MATCAP2: variants seen among roughly 807,000 people sequenced by gnomAD.
MATCAP2 encodes the protein microtubule associated tyrosine carboxypeptidase 2.
At chr7:36,386,794 G>A in the MATCAP2 span, among the ~76,000 whole-genome samples, 1 of 152,274 alleles carries the variant, frequency 6.6e-6, no homozygotes, top group East Asian at 1.9e-4. Flanking sequence ...CACATATTGG[G>A]GAGGAACTAG....
chr7:36,390,169 G>T, the MATCAP2 span: 5 of 1,546,674 alleles, frequency 3.2e-6, no homozygotes, highest in South Asian at 1.1e-5. Context: ...CGTGCGCAGT[G>T]TGTGCGGGCC....
chr7:36,337,997 G>A, the MATCAP2 span, among the ~76,000 whole-genome samples: 1 of 152,000 alleles, frequency 6.6e-6, no homozygotes, highest in East Asian at 1.9e-4. Context: ...AGGGCCAGCA[G>A]GCTCATGCCC....
the MATCAP2 span, chr7:36,389,868 G>A: frequency 7.5e-7 from 1 of 1,332,828 alleles, no homozygotes; most frequent in Non-Finnish European, 1.1e-6. Context: ...GGCCGAGTCC[G>A]TCACTGGAAG....
the MATCAP2 span, among the ~76,000 whole-genome samples, chr7:36,330,059 T>G: frequency 2.2e-4 from 1 of 4,576 alleles, no homozygotes; most frequent in Non-Finnish European, 5.8e-4. Context: ...TTTTTATTTT[T>G]ATTTTATTTT....
At chr7:36,350,779 T>C in the MATCAP2 span, among the ~76,000 whole-genome samples, 13 of 152,186 alleles carry the variant, frequency 8.5e-5, no homozygotes, top group African/African-American at 3.1e-4. Flanking sequence ...TGAGCCACCA[T>C]GCCCAGCCTC....
chr7:36,365,636 T>C, the MATCAP2 span, among the ~76,000 whole-genome samples: 2 of 152,026 alleles, frequency 1.3e-5, no homozygotes, highest in Non-Finnish European at 2.9e-5. Flanking sequence ...GAGGTGGAGA[T>C]TGCAGTGAGC....
At chr7:36,367,242 G>GC in the MATCAP2 span, 18 of 1,105,316 alleles carry the variant, frequency 1.6e-5, no homozygotes, top group Non-Finnish European at 1.9e-5. Flanking sequence ...CTAGGAAACT[G>GC]CCCCCGGGGT....
chr7:36,371,799 T>C, the MATCAP2 span, among the ~76,000 whole-genome samples: 1 of 152,162 alleles, frequency 6.6e-6, no homozygotes, highest in South Asian at 2.1e-4. Flanking sequence ...CTCACTCTGT[T>C]GCCCAGGCTG....
At chr7:36,369,792 T>C in the MATCAP2 span, among the ~76,000 whole-genome samples, 22 of 152,176 alleles carry the variant, frequency 1.4e-4, no homozygotes, top group African/African-American at 5.3e-4. Context: ...TATACATGTA[T>C]ACATACATAT....
At chr7:36,335,156 T>C in the MATCAP2 span, 2 of 1,613,956 alleles carry the variant, frequency 1.2e-6, no homozygotes, top group Admixed American at 3.3e-5. Flanking sequence ...GGAAAGCAGG[T>C]CCTCAGTGAG....
chr7:36,353,744 G>C, the MATCAP2 span, among the ~76,000 whole-genome samples: 22 of 152,266 alleles, frequency 1.4e-4, no homozygotes, highest in Middle Eastern at 3.4e-3. Context: ...GACTCCCAAA[G>C]TGCTGGGATT....
chr7:36,335,104 A>G, the MATCAP2 span: 2 of 1,614,028 alleles, frequency 1.2e-6, no homozygotes, highest in Non-Finnish European at 1.7e-6. Flanking sequence ...ACACATTGAT[A>G]GTCAGAGTCG....
the MATCAP2 span, chr7:36,366,958 G>A: frequency 7.4e-7 from 1 of 1,351,448 alleles, no homozygotes; most frequent in Non-Finnish European, 9.4e-7. Flanking sequence ...CCGAGGCCCG[G>A]GGCGGCGGGC....
chr7:36,367,247 C>G, the MATCAP2 span: 1 of 1,092,368 alleles, frequency 9.2e-7, no homozygotes. Context: ...AAACTGCCCC[C>G]GGGGTCCGCG....
chr7:36,327,506 TAGAC>T, the MATCAP2 span, among the ~76,000 whole-genome samples: 7 of 152,234 alleles, frequency 4.6e-5, no homozygotes, highest in African/African-American at 9.6e-5. Context: ...GTCTAAAAAT[TAGAC>T]AGCCATACTT....
chr7:36,389,904 G>C, the MATCAP2 span: 6 of 1,566,126 alleles, frequency 3.8e-6, no homozygotes, highest in Non-Finnish European at 4.4e-6. Context: ...AGCTGGTTGT[G>C]GGAGAGTTCC....
chr7:36,329,875 C>A, the MATCAP2 span, among the ~76,000 whole-genome samples: 1 of 151,976 alleles, frequency 6.6e-6, no homozygotes, highest in Non-Finnish European at 1.5e-5. Context: ...TATCAAACAC[C>A]CAGATGATCA....
At chr7:36,334,472 G>A in the MATCAP2 span, among the ~76,000 whole-genome samples, 2 of 140,760 alleles carry the variant, frequency 1.4e-5, no homozygotes, top group African/African-American at 2.6e-5. Context: ...GGAGGCAGAG[G>A]TTGCAGTGAG....
chr7:36,390,099 C>G, the MATCAP2 span: 4 of 1,611,768 alleles, frequency 2.5e-6, no homozygotes, highest in Non-Finnish European at 3.4e-6. Flanking sequence ...GGCCCCCACC[C>G]ACCTTCCTCT....
Sources: allele counts gnomAD v4.1 joint callset (sites outside exome capture counted in the v4.1 genomes callset), GRCh38; gene constraint gnomAD v4.1.1; transcripts MANE v1.5; gene names NCBI Gene and HGNC (gene_info 2026-07-23, HGNC 2026-07-21).